EEPD1: variants seen among roughly 807,000 people sequenced by gnomAD.
EEPD1 encodes endonuclease/exonuclease/phosphatase family domain-containing protein 1.
In EEPD1, 17 loss-of-function variants were observed where a neutral mutation model predicts 46.3. That is an observed-to-expected ratio of 0.37 (90% CI 0.25 to 0.55). EEPD1 has a LOEUF of 0.55. EEPD1 is among the 20% of genes least tolerant of loss of function. The pLI, the probability that EEPD1 is intolerant of heterozygous loss-of-function variation, is 0.83. For missense variants in EEPD1, 673 were observed against 745.6 expected (o/e 0.90, Z 1.13); for synonymous variants, 313 against 315.6 (o/e 0.99, Z 0.09).
At chr7:36,183,398 A>G (rs1251069284) in intron 2 of EEPD1, among the ~76,000 whole-genome samples, 2 of 152,110 alleles carry the variant, frequency 1.3e-5, no homozygotes, top group African/African-American at 4.8e-5. Flanking sequence ...GGGCTCCCTG[A>G]GCTGCCTTTT....
chr7:36,210,073 C>G (rs1785900573), intron 2 of EEPD1, among the ~76,000 whole-genome samples: 1 of 151,720 alleles, frequency 6.6e-6, no homozygotes, highest in Admixed American at 6.6e-5. Context: ...CGAGGGTTTC[C>G]AAAGCAGACA....
chr7:36,177,069 A>T (rs984702747), intron 2 of EEPD1, among the ~76,000 whole-genome samples: 4 of 152,204 alleles, frequency 2.6e-5, no homozygotes, highest in African/African-American at 9.6e-5. Flanking sequence ...ATGTTTTGGG[A>T]TGATTGAAAT....
At chr7:36,182,898 G>A (rs1043436421) in intron 2 of EEPD1, among the ~76,000 whole-genome samples, 1 of 152,206 alleles carries the variant, frequency 6.6e-6, no homozygotes, top group Non-Finnish European at 1.5e-5. Context: ...AGGCTCTTTA[G>A]GGTATCTGCA....
chr7:36,227,017 T>G (rs1299773192), intron 2 of EEPD1, among the ~76,000 whole-genome samples: 1 of 152,096 alleles, frequency 6.6e-6, no homozygotes, highest in Non-Finnish European at 1.5e-5. Context: ...TAGACTGATT[T>G]CTCACAGATC....
chr7:36,272,470 A>T lies in EEPD1; in HGVS notation c.931-8645A>T, dbSNP rs148194231. Among the ~76,000 whole-genome samples the T allele has an allele frequency of 3.0e-4, 45 of 150,708 alleles. 1 individual carries two copies. In the East Asian group the frequency reaches 8.5e-3, roughly 28 times the overall value. On this transcript the variant is annotated intron_variant, in intron 3 of 7. Coordinates refer to ENST00000242108, the MANE Select transcript of EEPD1 (RefSeq NM_030636.3). ...ACTGCATCTTGCTCTCAGTTTCATA[A>T]TAGCCCTTGCAAGGTTTTTCTGGTT...
At position 36,263,363 on chromosome 7, in the gene EEPD1, G is replaced by C. The variant is rs78913304; in HGVS notation, c.931-17752G>C. ...GGGGGGGAAAAAGCAGAGTTAATTA[G>C]GTTTGAAGAAGACAGCCAAAGAAAA... On this transcript the variant is annotated intron_variant, in intron 3 of 7. Coordinates refer to ENST00000242108, the MANE Select transcript of EEPD1 (RefSeq NM_030636.3). 7.2e-5 allele frequency among the ~76,000 whole-genome samples: 11 copies of C among 152,092 alleles called. No individual in the cohort carries two copies. In the East Asian group the frequency reaches 2.1e-3, roughly 29 times the overall value.
In EEPD1 at chr7:36,242,130, T is replaced by TAACTA. The variant is rs201458853; in HGVS notation, c.930+3095_930+3096insACTAA. Among the ~76,000 whole-genome samples the TAACTA allele has an allele frequency of 2.5e-3, 384 of 152,318 alleles. 5 individuals are homozygous for TAACTA. The East Asian group carries it at 0.035, about 14-fold the overall frequency. ...TTGGATTACTTACTTTCTCGTGCCTTAGTTTCCCAGTTTATAAAATTGAAA... is the reference window on the plus strand; with the variant it reads ...TTGGATTACTTACTTTCTCGTGCCTTAACTAAGTTTCCCAGTTTATAAAATTGAAA... On this transcript the variant is annotated intron_variant, in intron 3 of 7. Coordinates refer to ENST00000242108, the MANE Select transcript of EEPD1 (RefSeq NM_030636.3).
chr7:36,162,114 T>C lies in EEPD1; in HGVS notation c.878+6912T>C, dbSNP rs150150100. Among the ~76,000 whole-genome samples, 926 of 152,284 alleles carry C rather than the reference T, an allele frequency of 6.1e-3. 5 individuals carry two copies. The highest frequency in any genetic ancestry group is 0.01 in the Non-Finnish European group (697 of 68,014). ...TAACATCCAGGAAATGCCACAAAAA[T>C]GTCCTGCTCTACCTGACAGGCTGTT... On this transcript the variant is annotated intron_variant, in intron 2 of 7. Coordinates refer to ENST00000242108, the MANE Select transcript of EEPD1 (RefSeq NM_030636.3).
intron 3 of EEPD1, among the ~76,000 whole-genome samples, chr7:36,249,645 G>A (rs538118005): frequency 3.9e-5 from 6 of 152,114 alleles, no homozygotes; most frequent in Non-Finnish European, 8.8e-5. Flanking sequence ...AGAATAAGCC[G>A]CTGTACCTAC....
chr7:36,252,143 G>T (rs1179860472), intron 3 of EEPD1, among the ~76,000 whole-genome samples: 1 of 152,090 alleles, frequency 6.6e-6, no homozygotes, highest in East Asian at 1.9e-4. Flanking sequence ...TGGATTTATA[G>T]AAAAAAAGAA....
At chr7:36,236,311 C>G (rs141168125) in intron 2 of EEPD1, among the ~76,000 whole-genome samples, 14 of 152,312 alleles carry the variant, frequency 9.2e-5, no homozygotes, top group Admixed American at 3.3e-4. Context: ...CGGGCGGAAG[C>G]GGCGCTGGCG....
chr7:36,300,400 C>T lies in EEPD1; in HGVS notation c.*1194C>T, dbSNP rs1375620018. The T allele has an allele frequency of 2.0e-5, 3 of 152,356 alleles. No individual in the cohort carries two copies. The highest frequency in any genetic ancestry group is 3.9e-4 in the East Asian group (2 of 5,186). The allele number at this position is 152,356 out of a possible 1,614,324, so 9.4% of individuals were successfully genotyped here. ...TGAAGACGCTGAGGCTTAGAGAGCTCGACCTCCTCAAGGTCACACCACTGG... is the reference window on the plus strand; with the variant it reads ...TGAAGACGCTGAGGCTTAGAGAGCTTGACCTCCTCAAGGTCACACCACTGG... On this transcript the variant is annotated 3_prime_UTR_variant, in exon 8 of 8. Transcript: ENST00000242108.
chr7:36,290,467 G>A (rs1324815664), intron 6 of EEPD1, among the ~76,000 whole-genome samples: 1 of 152,142 alleles, frequency 6.6e-6, no homozygotes, highest in Non-Finnish European at 1.5e-5. Flanking sequence ...TCTAACAAGG[G>A]TAGACAAGTC....
intron 2 of EEPD1, among the ~76,000 whole-genome samples, chr7:36,173,161 G>A (rs1042756658): frequency 2.0e-5 from 3 of 151,922 alleles, no homozygotes; most frequent in Non-Finnish European, 4.4e-5. Context: ...GAATCATAGG[G>A]ACGGTTTCCC....
chr7:36,242,552 A>G (rs1439705663), intron 3 of EEPD1, among the ~76,000 whole-genome samples: 1 of 152,170 alleles, frequency 6.6e-6, no homozygotes. Flanking sequence ...AACATTCATC[A>G]TGAGCTTGAT....
rs1268289904 is a variant in EEPD1 at position 36,154,065 on chromosome 7, T to C, written c.-192-68T>C. ...GACTCCTGGTTACTAACTCTAGCAC[T>C]AGGTAGGGGGTGCTAATGCAAATTT... On this transcript the variant is annotated intron_variant, in intron 1 of 7. Coordinates refer to ENST00000242108, the MANE Select transcript of EEPD1 (RefSeq NM_030636.3). This position sits in a 1 kb window ranked among gnomAD's most constrained non-coding sequence, Gnocchi z 4.2. The C allele has an allele frequency of 9.6e-6, 5 of 523,422 alleles. No individual in the cohort carries two copies. The highest frequency in any genetic ancestry group is 3.4e-5 in the Admixed American group (1 of 29,092). The allele number at this position is 523,422 out of a possible 1,614,324, so 32.4% of individuals were successfully genotyped here. A position where few individuals can be genotyped will look rare whatever the true frequency, so the allele number is the denominator to read the frequency against.
intron 3 of EEPD1, among the ~76,000 whole-genome samples, chr7:36,253,677 A>ATT (rs1786782301): frequency 6.6e-6 from 1 of 152,122 alleles, no homozygotes; most frequent in South Asian, 2.1e-4. Context: ...TGACTCTTTT[A>ATT]TTATGATAGG....
chr7:36,259,453 A>G (rs1318771761), intron 3 of EEPD1, among the ~76,000 whole-genome samples: 2 of 152,144 alleles, frequency 1.3e-5, no homozygotes, highest in Admixed American at 1.3e-4. Context: ...GCTATTGTCT[A>G]TGCATCTATA....
At chr7:36,191,151 C>A (rs952808305) in intron 2 of EEPD1, among the ~76,000 whole-genome samples, 2 of 152,236 alleles carry the variant, frequency 1.3e-5, no homozygotes, top group Admixed American at 1.3e-4. Context: ...GTCAGGGAAG[C>A]ATTCTCCTGA....
Sources: gnomAD v4.1 joint callset for allele counts (sites outside exome capture counted in the v4.1 genomes callset) on GRCh38, gnomAD v4.1.1 for gene constraint, Gnocchi (gnomAD v3.1) non-coding constraint, MANE v1.5 for transcripts, NCBI Gene and HGNC (gene_info 2026-07-23, HGNC 2026-07-21) for gene names.